The following GLG1 variants were observed in gnomAD, a reference collection of about 807,000 sequenced individuals.
The protein encoded by GLG1 is golgi glycoprotein 1.
GLG1 carries 38 observed loss-of-function variants against 160.5 expected under a neutral mutation model. That is an observed-to-expected ratio of 0.24 (90% CI 0.18 to 0.31). The LOEUF is 0.31. Ranked by LOEUF, GLG1 falls within the 10% of genes least tolerant of loss-of-function variation. The pLI is 1.00. For missense variants in GLG1, 1,373 were observed against 1,505.2 expected (o/e 0.91, Z 1.45); for synonymous variants, 644 against 543.4 (o/e 1.19, Z -2.57).
intron 1 of GLG1, among the ~76,000 whole-genome samples, chr16:74,589,558 A>G (rs1958128525): frequency 6.6e-6 from 1 of 152,192 alleles, no homozygotes; most frequent in African/African-American, 2.4e-5. Context: ...ACTCTCCAAA[A>G]GCCCACACCA....
chr16:74,546,965 A>T (rs2018065994), intron 1 of GLG1, among the ~76,000 whole-genome samples: 1 of 152,146 alleles, frequency 6.6e-6, no homozygotes, highest in Non-Finnish European at 1.5e-5. Flanking sequence ...CACTGAGCAA[A>T]GGATCACAAC....
chr16:74,449,818 G>A lies in GLG1; in HGVS notation c.*3349C>T, dbSNP rs1395879097. On this transcript the variant is annotated 3_prime_UTR_variant, in exon 26 of 26. Transcript: ENST00000422840. Reference sequence around the variant, plus strand: ...TCCCGGGGGTGATCCCAAGCCTATGGAGTGCATGGCTCCCCTGCCGGTGCT... The same window carrying A: ...TCCCGGGGGTGATCCCAAGCCTATGAAGTGCATGGCTCCCCTGCCGGTGCT... The A allele has an allele frequency of 2.0e-5, 3 of 152,306 alleles. No individual in the cohort carries two copies. The highest frequency in any genetic ancestry group is 7.2e-5 in the African/African-American group (3 of 41,462). 9.4% of individuals were successfully genotyped at this position (152,306 alleles called of 1,614,324 possible). A position where few individuals can be genotyped will look rare whatever the true frequency, so the allele number is the denominator to read the frequency against.
chr16:74,550,637 T>C (rs2018173419), intron 1 of GLG1, among the ~76,000 whole-genome samples: 1 of 152,218 alleles, frequency 6.6e-6, no homozygotes, highest in Admixed American at 6.5e-5. Flanking sequence ...TACTGGATTT[T>C]ATAATCTTAA....
At position 74,452,385 on chromosome 16, in the gene GLG1, T is replaced by C. The variant is rs554204882; in HGVS notation, c.*782A>G. 1 of 1,265,942 alleles carries C rather than the reference T, an allele frequency of 7.9e-7. No homozygotes were observed. The highest frequency in any genetic ancestry group is 1.0e-6 in the Non-Finnish European group (1 of 997,610). The allele number at this position is 1,265,942 out of a possible 1,614,324, so 78.4% of individuals were successfully genotyped here. ...AGCCTCTCAGTGCAGATGGATGGAC[T>C]GTTCAACTTCACAAACTTCCGGTCC... On this transcript the variant is annotated 3_prime_UTR_variant, in exon 26 of 26. Coordinates refer to ENST00000422840, the MANE Select transcript of GLG1 (RefSeq NM_001145667.2).
rs182435398 is a variant in GLG1 at position 74,507,957 on chromosome 16, C to A, written c.558+882G>T. The stretch of plus-strand genomic sequence containing the variant: ...TAGGAGCTAAAGATAAATTTTTCAA[C>A]GATATGCCTTTCTGCTCGGAAGCCC... On this transcript the variant is annotated intron_variant, in intron 3 of 25. Transcript: ENST00000422840. 2.0e-5 allele frequency among the ~76,000 whole-genome samples: 3 copies of A among 151,936 alleles called. No homozygotes were observed. The East Asian group carries it at 5.8e-4, about 29-fold the overall frequency.
chr16:74,467,699 C>A, intron 18 of GLG1, 57 bp downstream of exon 18: 1 of 1,181,178 alleles, frequency 8.5e-7, no homozygotes. Flanking sequence ...TTTGAGAAAA[C>A]ATTAAATATT....
At chr16:74,478,640 G>A (rs1349689502) in intron 11 of GLG1, among the ~76,000 whole-genome samples, 1 of 152,040 alleles carries the variant, frequency 6.6e-6, no homozygotes, top group Non-Finnish European at 1.5e-5. Context: ...GACCAGGAGC[G>A]GTGGCTCACA....
At position 74,604,220 on chromosome 16, in the gene GLG1, G is replaced by A. The variant is rs186535328; in HGVS notation, c.438+2437C>T. Among the ~76,000 whole-genome samples the A allele has an allele frequency of 2.1e-4, 32 of 152,266 alleles. No individual in the cohort carries two copies. The East Asian group carries it at 5.8e-3, about 27-fold the overall frequency. On this transcript the variant is annotated intron_variant, in intron 1 of 25. Transcript: ENST00000422840. The stretch of plus-strand genomic sequence containing the variant: ...AAAAAATTTTTTTTCAGAAAGAAAA[G>A]TTCCATAAGGTTCCAAAAAGCAAAA...
At chr16:74,498,456 A>AG (rs1567483148) in intron 4 of GLG1, among the ~76,000 whole-genome samples, 1,053 of 99,576 alleles carry the variant, frequency 0.011, 118 homozygotes, top group African/African-American at 0.041. Context: ...AAGTATATAT[A>AG]TATATATATA....
intron 1 of GLG1, among the ~76,000 whole-genome samples, chr16:74,577,691 G>A (rs2019043550): frequency 6.6e-6 from 1 of 151,938 alleles, no homozygotes; most frequent in African/African-American, 2.4e-5. Flanking sequence ...ATGGTTCACT[G>A]CAAGCTTGAT....
At chr16:74,565,893 C>T (rs934559894) in intron 1 of GLG1, among the ~76,000 whole-genome samples, 6 of 152,182 alleles carry the variant, frequency 3.9e-5, no homozygotes, top group Admixed American at 6.5e-5. Flanking sequence ...TGTTTTCTAA[C>T]GTTCCGTCTT....
intron 8 of GLG1, among the ~76,000 whole-genome samples, chr16:74,490,381 C>T (rs1410027733): frequency 6.6e-6 from 1 of 152,196 alleles, no homozygotes; most frequent in Admixed American, 6.5e-5. Context: ...ACCCATGTAA[C>T]AAACCTGCAC....
chr16:74,571,538 G>A (rs1411461832), intron 1 of GLG1, among the ~76,000 whole-genome samples: 1 of 151,946 alleles, frequency 6.6e-6, no homozygotes, highest in Non-Finnish European at 1.5e-5. Flanking sequence ...CCAGGTGCCA[G>A]CTACTTTCAG....
At chr16:74,467,167 G>T (rs1472551875) in intron 18 of GLG1, among the ~76,000 whole-genome samples, 1 of 152,202 alleles carries the variant, frequency 6.6e-6, no homozygotes, top group Admixed American at 6.5e-5. Context: ...CTTTGCATCA[G>T]CAACAGTCTG....
At chr16:74,465,615 T>A in intron 19 of GLG1, 61 bp downstream of exon 19, 1 of 1,538,268 alleles carries the variant, frequency 6.5e-7, no homozygotes, top group Non-Finnish European at 8.9e-7. Flanking sequence ...GTTGCTGCCA[T>A]TGTTTGTGCT....
chr16:74,464,816 A>G (rs1026246864), intron 19 of GLG1, among the ~76,000 whole-genome samples: 9 of 151,730 alleles, frequency 5.9e-5, no homozygotes, highest in African/African-American at 1.7e-4. Flanking sequence ...TAAAGGAGCT[A>G]GAACCTTTAG....
In GLG1 at chr16:74,448,141, C is replaced by T. The variant is rs2014139576; in HGVS notation, c.*5026G>A. ...CACCAGATGGCTTTGGGGAGCTCTT[C>T]ACCCTAAAGATTCGGTCTGGTTTGC... On this transcript the variant is annotated 3_prime_UTR_variant, in exon 26 of 26. Coordinates refer to ENST00000422840, the MANE Select transcript of GLG1 (RefSeq NM_001145667.2). 2 of 152,234 alleles carry T rather than the reference C, an allele frequency of 1.3e-5. No individual in the cohort carries two copies. The highest frequency in any genetic ancestry group is 4.1e-4 in the South Asian group (2 of 4,828). 9.4% of individuals were successfully genotyped at this position (152,234 alleles called of 1,614,324 possible).
intron 1 of GLG1, among the ~76,000 whole-genome samples, chr16:74,558,547 C>G (rs2018414080): frequency 6.6e-6 from 1 of 152,252 alleles, no homozygotes; most frequent in Non-Finnish European, 1.5e-5. Flanking sequence ...CTTTAACCTG[C>G]ATGGCTTTCG....
intron 3 of GLG1, 151 bp from the exon 4 acceptor site, chr16:74,503,897 G>A: frequency 3.3e-6 from 2 of 611,422 alleles, no homozygotes; most frequent in East Asian, 2.8e-5. Flanking sequence ...ATATATCCAA[G>A]GAAAACATTT....
Sources: gnomAD v4.1 joint callset for allele counts (sites outside exome capture counted in the v4.1 genomes callset) on GRCh38, gnomAD v4.1.1 for gene constraint, MANE v1.5 for transcripts, NCBI Gene and HGNC (gene_info 2026-07-23, HGNC 2026-07-21) for gene names.